CABIN1: variants seen among roughly 807,000 people sequenced by gnomAD.
CABIN1 encodes the protein calcineurin-binding protein cabin-1.
Under a neutral mutation model 227.7 loss-of-function variants are expected in CABIN1, and 133 were observed. That is an observed-to-expected ratio of 0.58 (90% CI 0.51 to 0.67). CABIN1 has a LOEUF of 0.67. CABIN1 is among the 30% of genes least tolerant of loss of function. The probability of loss-of-function intolerance (pLI) is 0.00; values close to 1 mark genes in which losing one functional copy is unlikely to be tolerated. For missense variants in CABIN1, 2,408 were observed against 2,852.5 expected (o/e 0.84, Z 3.55); for synonymous variants, 1,086 against 1,155.1 (o/e 0.94, Z 1.21).
At chr22:24,130,178 C>T (rs1239494384) in intron 28 of CABIN1, among the ~76,000 whole-genome samples, 1 of 152,220 alleles carries the variant, frequency 6.6e-6, no homozygotes, top group African/African-American at 2.4e-5. Context: ...CAAGTGGCTC[C>T]ATGGGCCTCC....
intron 28 of CABIN1, among the ~76,000 whole-genome samples, chr22:24,122,517 G>A (rs1353559501): frequency 1.3e-5 from 2 of 152,102 alleles, no homozygotes; most frequent in Non-Finnish European, 2.9e-5. Context: ...AGACCACCTT[G>A]GCCAACATGG....
At chr22:24,090,875 T>A (rs956219746) in intron 23 of CABIN1, among the ~76,000 whole-genome samples, 1 of 152,086 alleles carries the variant, frequency 6.6e-6, no homozygotes, top group Non-Finnish European at 1.5e-5. Context: ...CATGCAGGCT[T>A]CTCTCTAGCT....
intron 26 of CABIN1, among the ~76,000 whole-genome samples, chr22:24,099,803 A>G (rs1224385954): frequency 6.6e-6 from 1 of 152,202 alleles, no homozygotes; most frequent in Non-Finnish European, 1.5e-5. Flanking sequence ...TAGGGAACCC[A>G]AGCACTGTCC....
chr22:24,176,214 G>A lies in CABIN1; in HGVS notation c.6144G>A (p.Glu2048=), dbSNP rs1415855315. The A allele has an allele frequency of 4.3e-6, 7 of 1,610,700 alleles. No individual in the cohort carries two copies. Among genetic ancestry groups the A allele is most frequent in the Non-Finnish European group, 4.2e-6 (5 of 1,179,094 alleles). The change falls in exon 35 of 37, where the codon GAG becomes GAA. Residue 2048 remains glutamate (E), a synonymous_variant. Transcript: ENST00000263119. ...VKMAPTSSPA[E]PHCWPAEAAL... ...TGGCCCCCACAAGTTCCCCGGCAGA[G>A]CCACACTGCTGGCCGGCAGAGGCTG...
In CABIN1 at chr22:24,060,003, A is replaced by G; in HGVS notation, c.1479A>G (p.Lys493=). The G allele has an allele frequency of 6.2e-7, 1 of 1,614,200 alleles. No individual in the cohort carries two copies. The highest frequency in any genetic ancestry group is 8.5e-7 in the Non-Finnish European group (1 of 1,180,038). Residue 493 remains lysine (K), a synonymous_variant, in exon 12 of 37, where the codon AAA becomes AAG. Transcript: ENST00000263119. ...GILELMMRYL[K]AMGHKFLVRW... Reference sequence around the variant, plus strand: ...TGGAGCTGATGATGCGCTACCTGAAAGCCATGGGCCACAAGTTCTTGGTAA... The same window carrying G: ...TGGAGCTGATGATGCGCTACCTGAAGGCCATGGGCCACAAGTTCTTGGTAA...
rs537806031 is a variant in CABIN1 at position 24,175,760 on chromosome 22, G to C, written c.6041-351G>C. ...GAATGCTGCTTATGTGAGCTGGAGGGAGAGTGGACACTGCCCCCCCATCCC... is the reference window on the plus strand; with the variant it reads ...GAATGCTGCTTATGTGAGCTGGAGGCAGAGTGGACACTGCCCCCCCATCCC... On this transcript the variant is annotated intron_variant, in intron 34 of 36. Transcript: ENST00000263119. 16 of 418,282 alleles carry C rather than the reference G, an allele frequency of 3.8e-5. No individual in the cohort carries two copies. The East Asian group carries it at 5.1e-4, about 13-fold the overall frequency. The allele number at this position is 418,282 out of a possible 1,614,324, so 25.9% of individuals were successfully genotyped here.
intron 1 of CABIN1, among the ~76,000 whole-genome samples, chr22:24,029,556 T>TA (rs1049318587): frequency 0.013 from 1,929 of 144,294 alleles, 33 homozygotes; most frequent in African/African-American, 0.044. Context: ...GACCCTGTCT[T>TA]AAAAAAAAAA....
chr22:24,119,323 G>C, intron 27 of CABIN1, 44 bp from the exon 28 acceptor site: 3 of 1,546,412 alleles, frequency 1.9e-6, no homozygotes, highest in Non-Finnish European at 2.7e-6. Context: ...CATGGACAGG[G>C]CCTAAAACCA....
intron 25 of CABIN1, 120 bp downstream of exon 25, chr22:24,096,202 T>C: frequency 8.4e-7 from 1 of 1,189,982 alleles, no homozygotes; most frequent in South Asian, 1.2e-5. Context: ...CTAGAACTCA[T>C]GGAGTCCCTA....
intron 26 of CABIN1, among the ~76,000 whole-genome samples, chr22:24,107,457 G>A (rs749445136): frequency 1.3e-5 from 2 of 152,182 alleles, no homozygotes; most frequent in Non-Finnish European, 2.9e-5. Flanking sequence ...GTCCCTGCCA[G>A]GTCCCTTGGC....
intron 28 of CABIN1, among the ~76,000 whole-genome samples, chr22:24,120,658 C>A (rs1443468771): frequency 3.9e-5 from 6 of 151,956 alleles, no homozygotes; most frequent in East Asian, 1.9e-4. Flanking sequence ...ACTAAAAATA[C>A]AAAAGTTAGC....
At chr22:24,055,849 G>A (rs1184836710) in intron 9 of CABIN1, among the ~76,000 whole-genome samples, 3 of 152,198 alleles carry the variant, frequency 2.0e-5, no homozygotes, top group African/African-American at 4.8e-5. Context: ...TAGGGTCATA[G>A]CCACTCACTC....
intron 26 of CABIN1, chr22:24,102,190 G>A (rs941014951): frequency 6.6e-6 from 1 of 152,358 alleles, no homozygotes; most frequent in Non-Finnish European, 1.5e-5. Flanking sequence ...CTGAATCTGT[G>A]TGTGTTTCCC....
chr22:24,171,527 A>G (rs1315605969), intron 33 of CABIN1, among the ~76,000 whole-genome samples, 186 bp from the exon 34 acceptor site: 1 of 152,148 alleles, frequency 6.6e-6, no homozygotes, highest in East Asian at 1.9e-4. Context: ...CAGGATCCTG[A>G]TGGGGTGCCT....
chr22:24,030,001 CTT>C (rs1403002556), intron 1 of CABIN1, among the ~76,000 whole-genome samples: 1 of 152,100 alleles, frequency 6.6e-6, no homozygotes. Flanking sequence ...GGGAGCTGGT[CTT>C]TGTGAGTTTT....
intron 19 of CABIN1, among the ~76,000 whole-genome samples, chr22:24,079,252 A>G (rs896398499): frequency 6.6e-6 from 1 of 152,194 alleles, no homozygotes; most frequent in African/African-American, 2.4e-5. Flanking sequence ...CTAGACATTT[A>G]TATCAATTCA....
Position 24,094,841 on chromosome 22 carries a change from A to G in CABIN1, c.3787-1090A>G, listed in dbSNP as rs919365961. Among the ~76,000 whole-genome samples the G allele has an allele frequency of 6.5e-4, 94 of 143,738 alleles. 1 individual carries two copies. The South Asian group carries it at 0.018, about 28-fold the overall frequency. 94.3% of individuals were successfully genotyped at this position (143,738 alleles called of 152,430 possible). A position where few individuals can be genotyped will look rare whatever the true frequency, so the allele number is the denominator to read the frequency against. On this transcript the variant is annotated intron_variant, in intron 24 of 36. Coordinates refer to ENST00000263119, the MANE Select transcript of CABIN1 (RefSeq NM_012295.4). Reference sequence around the variant, plus strand: ...TCCGTCTCAAAAAAAAAAAAAAAAAAAAAAGAAACAAAAATGACATTTCTC... The same window carrying G: ...TCCGTCTCAAAAAAAAAAAAAAAAAGAAAAGAAACAAAAATGACATTTCTC...
rs752490959 is a variant in CABIN1 at position 24,100,952 on chromosome 22, A to G, written c.4117+2760A>G. On this transcript the variant is annotated intron_variant, in intron 26 of 36. Transcript: ENST00000263119. Reference sequence around the variant, plus strand: ...TAGGGTAAGACCTAGGTAGCACTGCATAGAGGGAAGAGCCTGGGCTCTGGG... The same window carrying G: ...TAGGGTAAGACCTAGGTAGCACTGCGTAGAGGGAAGAGCCTGGGCTCTGGG... 1.3e-3 allele frequency among the ~76,000 whole-genome samples: 195 copies of G among 152,226 alleles called. 4 individuals carry two copies. The highest frequency in any genetic ancestry group is 4.0e-4 in the Non-Finnish European group (27 of 68,042).
intron 29 of CABIN1, among the ~76,000 whole-genome samples, chr22:24,155,528 A>T (rs2045731204): frequency 6.6e-6 from 1 of 152,046 alleles, no homozygotes; most frequent in Non-Finnish European, 1.5e-5. Context: ...TTACCATGGC[A>T]TCTCTTTTTT....
Sources: allele counts gnomAD v4.1 joint callset (sites outside exome capture counted in the v4.1 genomes callset), GRCh38; gene constraint gnomAD v4.1.1; transcripts MANE v1.5; gene names NCBI Gene and HGNC (gene_info 2026-07-23, HGNC 2026-07-21).